Variants in FXYD3 observed in about 807,000 individuals in gnomAD.
FXYD3 encodes FXYD domain containing ion transport regulator 3.
Under a neutral mutation model 19.2 loss-of-function variants are expected in FXYD3, and 13 were observed. That is an observed-to-expected ratio of 0.68 (90% CI 0.44 to 1.08). The LOEUF (loss-of-function observed/expected upper bound fraction) is 1.08. Ranked by LOEUF, FXYD3 falls within the 50% of genes least tolerant of loss-of-function variation. The pLI, the probability that FXYD3 is intolerant of heterozygous loss-of-function variation, is 0.00. For missense variants in FXYD3, 101 were observed against 109.4 expected, an observed-to-expected ratio of 0.92 and a Z score of 0.34; for synonymous variants, 48 against 38.9, an observed-to-expected ratio of 1.23 and a Z score of -0.87.
Position 35,122,955 on chromosome 19 carries a change from G to A in FXYD3, c.209+1G>A, listed in dbSNP as rs111428454. On this transcript the variant is annotated splice_donor_variant, in intron 7 of 8. Transcript: ENST00000604404. LOFTEE classifies it high-confidence loss of function. ...AATGCAAGTTTGGCCAGAAGTCCGGGTAAGATACTGTTCCGGCATGCCCGC... is the reference window on the plus strand; with the variant it reads ...AATGCAAGTTTGGCCAGAAGTCCGGATAAGATACTGTTCCGGCATGCCCGC... The A allele has an allele frequency of 3.1e-6, 5 of 1,590,306 alleles. No individual in the cohort carries two copies. The Middle Eastern group carries it at 5.0e-4, about 160-fold the overall frequency.
In FXYD3 at chr19:35,121,085, T is replaced by G; in HGVS notation, c.48T>G (p.Pro16=). 6.2e-7 allele frequency: 1 copy of G among 1,612,888 alleles called. No homozygotes were observed. Among genetic ancestry groups the G allele is most frequent in the South Asian group, 1.1e-5 (1 of 91,014 alleles). The change falls in exon 4 of 9, where the codon CCT becomes CCG. Residue 16 remains proline (P), a synonymous_variant. Coordinates refer to ENST00000604404, the MANE Select transcript of FXYD3 (RefSeq NM_005971.4). Reference sequence around the variant, plus strand: ...CCCCTCTTCTCCCACTAGGCTTTCCTGTCCTGGACGCCAATGACCTAGAAG... The same window carrying G: ...CCCCTCTTCTCCCACTAGGCTTTCCGGTCCTGGACGCCAATGACCTAGAAG... The part of the protein sequence containing the change: ...LGLLVFLAGF[P]VLDANDLEDK...
rs890028195 is a variant in FXYD3, at chr19:35,123,305, C to A, written c.244C>A (p.Pro82Thr). Residue 82 changes from proline (P) to threonine (T), a missense_variant, in exon 8 of 9, where the codon CCA becomes ACA. Pro to Thr is a conservative substitution (Grantham distance 38). Transcript: ENST00000604404. ...HPGETPPLIT[P>T]GSAQS ...AGGGGAGACTCCACCTCTCATCACCCCAGGTAAGATGGGGCAGCATGGGGC... is the reference window on the plus strand; with the variant it reads ...AGGGGAGACTCCACCTCTCATCACCACAGGTAAGATGGGGCAGCATGGGGC... 1 of 1,610,012 alleles carries A rather than the reference C, an allele frequency of 6.2e-7. No individual in the cohort carries two copies. The highest frequency in any genetic ancestry group is 1.7e-5 in the Admixed American group (1 of 59,688).
chr19:35,123,124 C>T (rs1342799564), intron 7 of FXYD3, 147 bp from the exon 8 acceptor site: 1 of 1,469,218 alleles, frequency 6.8e-7, no homozygotes, highest in Non-Finnish European at 9.0e-7. Flanking sequence ...GGCCCCAAAT[C>T]CTGAAATGCT....
intron 3 of FXYD3, chr19:35,119,678 T>TG: frequency 2.2e-6 from 1 of 461,328 alleles, no homozygotes. Flanking sequence ...TGTTTTTGTT[T>TG]TTGTTTTTGT....
chr19:35,123,239 G>A (rs919559561), intron 7 of FXYD3, 32 bp from the exon 8 acceptor site: 12 of 1,561,546 alleles, frequency 7.7e-6, no homozygotes, highest in Admixed American at 5.5e-5. Context: ...AAATGGGGGC[G>A]GACACCAATC....
intron 3 of FXYD3, chr19:35,119,702 T>C (rs1387983011): frequency 4.0e-6 from 2 of 494,600 alleles, no homozygotes; most frequent in Admixed American, 3.6e-5. Flanking sequence ...TGAAAGGGAG[T>C]CTCTGTTGCT....
At chr19:35,121,341 C>G (rs2065039631) in intron 5 of FXYD3, 96 bp downstream of exon 5, 2 of 1,613,936 alleles carry the variant, frequency 1.2e-6, no homozygotes, top group Non-Finnish European at 1.7e-6. Context: ...GTGAGCATCA[C>G]AGGACAAAGA....
In FXYD3 at chr19:35,122,760, C is replaced by T. The variant is rs2065071726; in HGVS notation, c.98-5C>T. 1 of 1,612,378 alleles carries T rather than the reference C, an allele frequency of 6.2e-7. No homozygotes were observed. The highest frequency in any genetic ancestry group is 1.3e-5 in the African/African-American group (1 of 74,914). ...GCACTGAGGTCCCCTCCACTTTCCT[C>T]CTAGACTGGCACAGCCTCCAGGTTG... On this transcript the variant is annotated splice_region_variant and splice_polypyrimidine_tract_variant and intron_variant, in intron 5 of 8. Coordinates refer to ENST00000604404, the MANE Select transcript of FXYD3 (RefSeq NM_005971.4).
At chr19:35,118,926 C>T (rs950241172) in intron 2 of FXYD3, among the ~76,000 whole-genome samples, 3 of 152,334 alleles carry the variant, frequency 2.0e-5, no homozygotes, top group African/African-American at 4.8e-5. Flanking sequence ...CCCAATGCCC[C>T]GCTTCCCCAA....
chr19:35,123,560 C>A lies in FXYD3; in HGVS notation c.*103C>A. On this transcript the variant is annotated 3_prime_UTR_variant, in exon 9 of 9. Transcript: ENST00000604404. ...CCAGGATGGAATTCTTCCTCCTCTG[C>A]TGGGACTCCTTTGCATGGCAGGGCC... is the stretch of plus-strand genomic sequence containing the variant. 4 of 1,230,444 alleles carry A rather than the reference C, an allele frequency of 3.3e-6. No individual in the cohort carries two copies. The highest frequency in any genetic ancestry group is 4.8e-6 in the Non-Finnish European group (4 of 840,886). The allele number at this position is 1,230,444 out of a possible 1,614,324, so 76.2% of individuals were successfully genotyped here.
chr19:35,123,354 G>T, intron 8 of FXYD3, 46 bp downstream of exon 8: 1 of 1,609,816 alleles, frequency 6.2e-7, no homozygotes, highest in African/African-American at 1.3e-5. Flanking sequence ...GAAGTGGTGT[G>T]TGTGTGTGTG....
chr19:35,116,052 G>T, intron 1 of FXYD3, 93 bp downstream of exon 1: 3 of 173,408 alleles, frequency 1.7e-5, no homozygotes, highest in Non-Finnish European at 3.4e-5. Flanking sequence ...TCCTCTCCTG[G>T]GCACAGGAGA....
Position 35,119,277 on chromosome 19 carries a change from G to A in FXYD3, c.-14-86G>A, listed in dbSNP as rs1317178408. On this transcript the variant is annotated intron_variant, in intron 2 of 8. Coordinates refer to ENST00000604404, the MANE Select transcript of FXYD3 (RefSeq NM_005971.4). ...GTGAGCTGCGCACCCTGCCTGGGGA[G>A]CAGGGGAGGAGGGTTGGGGAGCCAC... 1.9e-6 allele frequency: 3 copies of A among 1,611,532 alleles called. No individual in the cohort carries two copies. In the African/African-American group the frequency reaches 4.0e-5, roughly 22 times the overall value.
intron 3 of FXYD3, among the ~76,000 whole-genome samples, chr19:35,120,771 C>A (rs1036286385): frequency 6.6e-6 from 1 of 152,156 alleles, no homozygotes; most frequent in Non-Finnish European, 1.5e-5. Context: ...AAAAGTCCCC[C>A]GCTGCTGCAG....
At chr19:35,121,141 C>T in intron 4 of FXYD3, 31 bp downstream of exon 4, 1 of 1,613,994 alleles carries the variant, frequency 6.2e-7, no homozygotes, top group Non-Finnish European at 8.5e-7. Flanking sequence ...ACCCGTCACA[C>T]CCCCAAATTC....
At chr19:35,121,272 C>T in intron 5 of FXYD3, 27 bp downstream of exon 5, 2 of 1,614,072 alleles carry the variant, frequency 1.2e-6, no homozygotes, top group Non-Finnish European at 1.7e-6. Context: ...CCTTTCCCCT[C>T]CCCACAACCC....
intron 2 of FXYD3, 47 bp from the exon 3 acceptor site, chr19:35,119,315 AG>A: frequency 6.2e-7 from 1 of 1,609,148 alleles, no homozygotes; most frequent in Non-Finnish European, 8.5e-7. Flanking sequence ...GCACAGGGCC[AG>A]CCTCCCGGTG....
At chr19:35,117,414 C>G (rs759393961) in intron 2 of FXYD3, 19 of 1,415,874 alleles carry the variant, frequency 1.3e-5, no homozygotes, top group Non-Finnish European at 1.8e-5. Flanking sequence ...GAGCATAGGG[C>G]TTTAAGATGA....
At chr19:35,118,338 A>G (rs1184368023) in intron 2 of FXYD3, 1 of 372,682 alleles carries the variant, frequency 2.7e-6, no homozygotes, top group Non-Finnish European at 3.6e-6. Flanking sequence ...CCTGGGTGAC[A>G]GAGTGAAACT....
Sources: allele counts gnomAD v4.1 joint callset (sites outside exome capture counted in the v4.1 genomes callset), GRCh38; gene constraint gnomAD v4.1.1; transcripts MANE v1.5; gene names NCBI Gene and HGNC (gene_info 2026-07-23, HGNC 2026-07-21).